ADH4: variants seen among roughly 807,000 people sequenced by gnomAD.
ADH4 encodes alcohol dehydrogenase 4 (class II), pi polypeptide.
A neutral mutation model predicts 35.2 loss-of-function variants in ADH4; 31 were observed. The observed-to-expected ratio is 0.88, with a 90% CI of 0.66 to 1.19. The LOEUF is 1.19. Among genes scored for constraint, ADH4 ranks in the 50% most tolerant of loss-of-function variants. ADH4 has a pLI of 0.00. For synonymous variants in ADH4, 171 were observed against 160.2 expected, an observed-to-expected ratio of 1.07 and a Z score of -0.51; for missense variants, 476 against 458.3, an observed-to-expected ratio of 1.04 and a Z score of -0.35.
chr4:99,140,002 C>T (rs1050503287), intron 3 of ADH4, among the ~76,000 whole-genome samples: 1 of 152,196 alleles, frequency 6.6e-6, no homozygotes, highest in African/African-American at 2.4e-5. Context: ...TGGCACGGTT[C>T]ATCTGGCCTG....
At position 99,142,676 on chromosome 4, in the gene ADH4, T is replaced by TA; in HGVS notation, c.120+2dup. 6.4e-7 allele frequency: 1 copy of TA among 1,563,226 alleles called. No individual in the cohort carries two copies. The highest frequency in any genetic ancestry group is 1.4e-5 in the African/African-American group (1 of 72,662). Reference sequence around the variant, plus strand: ...TTCCCACCCAAGGAAAGTCTCCACTTACCTGAATGCGAACTTCATGAGCCT... The same window carrying TA: ...TTCCCACCCAAGGAAAGTCTCCACTTAACCTGAATGCGAACTTCATGAGCCT... On this transcript the variant is annotated splice_region_variant and intron_variant, in intron 2 of 8. Transcript: ENST00000265512.
chr4:99,135,255 C>T (rs902316049), intron 5 of ADH4, among the ~76,000 whole-genome samples: 11 of 151,772 alleles, frequency 7.2e-5, no homozygotes, highest in African/African-American at 2.4e-4. Flanking sequence ...ATAGGGAGAC[C>T]CTGTCTCTAT....
At chr4:99,127,131 T>C in intron 7 of ADH4, 78 bp downstream of exon 7, 1 of 1,242,456 alleles carries the variant, frequency 8.0e-7, no homozygotes, top group South Asian at 1.6e-5. Flanking sequence ...TTTTTATTTC[T>C]TTTCAATAAC....
At position 99,144,284 on chromosome 4, in the gene ADH4, C is replaced by T; in HGVS notation, c.-62G>A. On this transcript the variant is annotated 5_prime_UTR_variant, in exon 1 of 9. Coordinates refer to ENST00000265512, the MANE Select transcript of ADH4 (RefSeq NM_000670.5). The stretch of plus-strand genomic sequence containing the variant: ...AGTTAAGAAAGCTTCAAACTCCTAC[C>T]CAGGGAGTTCCGTGTCCTATAATGA... The T allele has an allele frequency of 6.7e-7, 1 of 1,502,162 alleles. No homozygotes were observed. Among genetic ancestry groups the T allele is most frequent in the Non-Finnish European group, 9.3e-7 (1 of 1,078,402 alleles). 93.1% of individuals were successfully genotyped at this position (1,502,162 alleles called of 1,614,324 possible). A position where few individuals can be genotyped will look rare whatever the true frequency, so the allele number is the denominator to read the frequency against.
At chr4:99,139,015 A>G (rs778701533) in intron 4 of ADH4, 46 bp downstream of exon 4, 6 of 1,450,396 alleles carry the variant, frequency 4.1e-6, no homozygotes, top group Non-Finnish European at 5.7e-6. Flanking sequence ...GCTTTCCAAA[A>G]TATTCATTCA....
rs1363242063 is a variant in ADH4 at position 99,126,622 on chromosome 4, C to T, written c.1090G>A (p.Ala364Thr). Residue 364 changes from alanine (A) to threonine (T), a missense_variant, in exon 8 of 9, where the codon GCA (alanine) becomes ACA (threonine). Ala to Thr is a moderately conservative substitution (Grantham distance 58). Coordinates refer to ENST00000265512, the MANE Select transcript of ADH4 (RefSeq NM_000670.5). ...TTTCCTTGGTTCATTAGGTCAAATG[C>T]CTCACTGATTTTGTCAAAAGGCAGG... is the stretch of plus-strand genomic sequence containing the variant. ...HTLPFDKISE[A>T]FDLMNQGKSV... 6.2e-7 allele frequency: 1 copy of T among 1,607,846 alleles called. No individual in the cohort carries two copies. The highest frequency in any genetic ancestry group is 8.5e-7 in the Non-Finnish European group (1 of 1,175,658).
chr4:99,136,024 T>C (rs1406928753), intron 5 of ADH4, among the ~76,000 whole-genome samples: 1 of 152,072 alleles, frequency 6.6e-6, no homozygotes, highest in African/African-American at 2.4e-5. Context: ...TTACTACTGA[T>C]GGAGGGAGAT....
At chr4:99,126,784 G>A (rs748766370) in intron 7 of ADH4, 52 bp from the exon 8 acceptor site, 1 of 1,516,086 alleles carries the variant, frequency 6.6e-7, no homozygotes. Context: ...ACACGAAGTA[G>A]TTTAATCAGC....
intron 6 of ADH4, among the ~76,000 whole-genome samples, 194 bp from the exon 7 acceptor site, chr4:99,127,538 T>G (rs189503205): frequency 1.4e-3 from 216 of 152,284 alleles, no homozygotes; most frequent in Middle Eastern, 0.01. Flanking sequence ...AATAGAATGT[T>G]CAGCACAGTC....
chr4:99,141,223 G>C (rs1279471207), intron 3 of ADH4, among the ~76,000 whole-genome samples: 1 of 152,132 alleles, frequency 6.6e-6, no homozygotes, highest in Non-Finnish European at 1.5e-5. Context: ...ACATGATCTT[G>C]TTCTTTTATA....
chr4:99,124,941 G>A (rs995159752), intron 8 of ADH4, among the ~76,000 whole-genome samples: 1 of 152,098 alleles, frequency 6.6e-6, no homozygotes, highest in South Asian at 2.1e-4. Flanking sequence ...AAGCCTCAAG[G>A]ACAGAGCAGT....
At chr4:99,144,160 C>T (rs202150054) in intron 1 of ADH4, 45 bp downstream of exon 1, 1 of 1,609,172 alleles carries the variant, frequency 6.2e-7, no homozygotes, top group Non-Finnish European at 8.5e-7. Flanking sequence ...CATACAAGGA[C>T]ACAGAAAAGC....
intron 1 of ADH4, 152 bp downstream of exon 1, chr4:99,144,053 C>G (rs577940907): frequency 1.3e-6 from 1 of 779,502 alleles, no homozygotes; most frequent in Admixed American, 2.5e-5. Flanking sequence ...GTTAATTTCC[C>G]TAGAATAAAT....
intron 4 of ADH4, among the ~76,000 whole-genome samples, chr4:99,138,212 A>C (rs1729505479): frequency 6.6e-6 from 1 of 152,194 alleles, no homozygotes; most frequent in Non-Finnish European, 1.5e-5. Context: ...GTATTGCCTA[A>C]ATCCATTATT....
intron 8 of ADH4, among the ~76,000 whole-genome samples, chr4:99,124,941 G>C (rs995159752): frequency 2.6e-5 from 4 of 152,098 alleles, no homozygotes; most frequent in African/African-American, 9.7e-5. Context: ...AAGCCTCAAG[G>C]ACAGAGCAGT....
intron 1 of ADH4, among the ~76,000 whole-genome samples, chr4:99,143,944 T>C (rs910683438): frequency 6.6e-6 from 1 of 152,216 alleles, no homozygotes; most frequent in Non-Finnish European, 1.5e-5. Context: ...TTATATTTTA[T>C]GGTTACAGCA....
Position 99,126,619 on chromosome 4 carries a change from A to G in ADH4, c.1093T>C (p.Phe365Leu). 6.2e-7 allele frequency: 1 copy of G among 1,608,462 alleles called. No homozygotes were observed. The highest frequency in any genetic ancestry group is 8.5e-7 in the Non-Finnish European group (1 of 1,175,964). Reference protein sequence around the residue: ...TLPFDKISEAFDLMNQGKSVR... With the variant: ...TLPFDKISEALDLMNQGKSVR... Reference sequence around the variant, plus strand: ...CTTTTTCCTTGGTTCATTAGGTCAAATGCCTCACTGATTTTGTCAAAAGGC... The same window carrying G: ...CTTTTTCCTTGGTTCATTAGGTCAAGTGCCTCACTGATTTTGTCAAAAGGC... The change falls in exon 8 of 9, where the codon TTT (phenylalanine) becomes CTT (leucine). Residue 365 changes from phenylalanine (F) to leucine (L), a missense_variant. Transcript: ENST00000265512.
chr4:99,124,925 G>T (rs1185970828), intron 8 of ADH4, among the ~76,000 whole-genome samples: 2 of 152,144 alleles, frequency 1.3e-5, no homozygotes, highest in African/African-American at 4.8e-5. Flanking sequence ...ACACAAAGAG[G>T]GGGATAAGCC....
At chr4:99,136,361 A>G in intron 5 of ADH4, 105 bp downstream of exon 5, 7 of 906,036 alleles carry the variant, frequency 7.7e-6, no homozygotes, top group Non-Finnish European at 1.2e-5. Context: ...CACAGAGGTA[A>G]TAAATGACAC....
Sources: gnomAD v4.1 joint callset for allele counts (sites outside exome capture counted in the v4.1 genomes callset) on GRCh38, gnomAD v4.1.1 for gene constraint, MANE v1.5 for transcripts, NCBI Gene and HGNC (gene_info 2026-07-23, HGNC 2026-07-21) for gene names.